MSN: variants seen among roughly 807,000 people sequenced by gnomAD.
MSN encodes moesin.
In MSN, 2 loss-of-function variants were observed where a neutral mutation model predicts 48.0. The ratio of observed to expected loss-of-function variants is 0.04; its 90% CI spans 0.02 to 0.13. The LOEUF is 0.13. MSN is among the 10% of genes least tolerant of loss of function. The pLI, the probability that MSN is intolerant of heterozygous loss-of-function variation, is 1.00. For synonymous variants in MSN, 146 were observed against 166.9 expected (o/e 0.87, Z 0.97); for missense variants, 267 against 470.1 (o/e 0.57, Z 3.99).
chrX:65,629,393 T>A (rs1307435963), intron 1 of MSN, among the ~76,000 whole-genome samples: 1 of 112,165 alleles, frequency 8.9e-6, no homozygotes, highest in Admixed American at 9.5e-5. Flanking sequence ...CATTTTCCTG[T>A]CTTCTTCTGA....
At chrX:65,666,776 A>C (rs1257099495), upstream of MSN, among the ~76,000 whole-genome samples, 1 of 111,428 alleles carries the variant, frequency 9.0e-6, no homozygotes, top group Non-Finnish European at 1.9e-5. Context: ...CTCAGACTTG[A>C]CCAGACGACT....
chrX:65,682,305 G>C lies in MSN; in HGVS notation c.12+14452G>C, dbSNP rs747224585. Among the ~76,000 whole-genome samples, 70 of 112,017 alleles carry C rather than the reference G, an allele frequency of 6.2e-4. 1 individual carries two copies. The highest frequency in any genetic ancestry group is 4.9e-4 in the Non-Finnish European group (26 of 53,178). ...AAGAACCATCTAAGCCAAATTCAAG[G>C]TCTTTGAGTGGAGAATCTCAATTAA... On this transcript the variant is annotated intron_variant, in intron 1 of 12. Coordinates refer to ENST00000360270, the MANE Select transcript of MSN (RefSeq NM_002444.3).
At chrX:65,611,876 C>T (rs2070323309) in intron 1 of MSN, among the ~76,000 whole-genome samples, 1 of 111,921 alleles carries the variant, frequency 8.9e-6, no homozygotes, top group South Asian at 3.7e-4. Flanking sequence ...ACCAATACTC[C>T]ACTCTTTTTG....
chrX:65,648,005 G>A (rs762593829), intron 1 of MSN, among the ~76,000 whole-genome samples: 1 of 110,922 alleles, frequency 9.0e-6, no homozygotes, highest in Non-Finnish European at 1.9e-5. Context: ...GGAACCTGAT[G>A]TAGTTGTCCA....
chrX:65,636,525 T>A (rs2070600461), intron 1 of MSN, among the ~76,000 whole-genome samples: 1 of 104,989 alleles, frequency 9.5e-6, no homozygotes, highest in Non-Finnish European at 1.9e-5. Context: ...TCATCTGAGG[T>A]CAGGAGTTCA....
intron 1 of MSN, among the ~76,000 whole-genome samples, chrX:65,620,676 G>A (rs1453601005): frequency 8.9e-6 from 1 of 111,947 alleles, no homozygotes; most frequent in Non-Finnish European, 1.9e-5. Flanking sequence ...CTTCTGCGTC[G>A]CTTACTCTGG....
chrX:65,635,777 G>C (rs1194865305), intron 1 of MSN, among the ~76,000 whole-genome samples: 3 of 111,905 alleles, frequency 2.7e-5, no homozygotes, highest in Non-Finnish European at 1.9e-5. Flanking sequence ...GAAGAGAAGA[G>C]AGTAGTAGCA....
chrX:65,649,400 T>TA lies in MSN; in HGVS notation c.-22+60806dup, dbSNP rs1162390207. Among the ~76,000 whole-genome samples, 216 of 74,366 alleles carry TA rather than the reference T, an allele frequency of 2.9e-3. 1 individual carries two copies. The highest frequency in any genetic ancestry group is 8.1e-3 in the South Asian group (12 of 1,489). The allele number at this position is 74,366 out of a possible 115,157, so 64.6% of individuals were successfully genotyped here. ...CAATATGATGAAACCCCATCTCTACTAAAAAAAAAAAAAAAAAATACAAAA... is the reference window on the plus strand; with the variant it reads ...CAATATGATGAAACCCCATCTCTACTAAAAAAAAAAAAAAAAAAATACAAAA... On this transcript the variant is annotated intron_variant, in intron 1 of 3. Transcript: ENST00000609672.
intron 1 of MSN, among the ~76,000 whole-genome samples, chrX:65,658,421 G>T (rs2070797801): frequency 1.8e-5 from 2 of 111,786 alleles, no homozygotes; most frequent in South Asian, 7.4e-4. Flanking sequence ...AATCTCAGGG[G>T]CTTAGTTAAT....
At chrX:65,670,771 G>T (rs2070925298) in intron 1 of MSN, among the ~76,000 whole-genome samples, 1 of 101,003 alleles carries the variant, frequency 9.9e-6, no homozygotes, top group South Asian at 4.7e-4. Flanking sequence ...ACTACCCACC[G>T]CCACCCTTGC....
At chrX:65,709,242 T>C (rs1161101410) in intron 1 of MSN, among the ~76,000 whole-genome samples, 1 of 112,266 alleles carries the variant, frequency 8.9e-6, no homozygotes, top group East Asian at 2.8e-4. Context: ...TCCATACTGT[T>C]GTCCACAGTG....
intron 1 of MSN, among the ~76,000 whole-genome samples, chrX:65,649,998 T>C (rs2070729137): frequency 9.4e-6 from 1 of 106,467 alleles, no homozygotes; most frequent in African/African-American, 3.4e-5. Flanking sequence ...ACGTGCACAT[T>C]GTTGTGTGGA....
At chrX:65,636,401 C>T (rs934099542) in intron 1 of MSN, among the ~76,000 whole-genome samples, 19 of 111,337 alleles carry the variant, frequency 1.7e-4, no homozygotes, top group Non-Finnish European at 1.5e-4. Flanking sequence ...TTGTCTCGTC[C>T]TCTCTCACAT....
At chrX:65,631,670 C>T (rs900618640) in intron 1 of MSN, among the ~76,000 whole-genome samples, 15 of 110,804 alleles carry the variant, frequency 1.4e-4, no homozygotes, top group African/African-American at 4.9e-4. Context: ...TCTAGTTTGG[C>T]GCTATTATTA....
intron 1 of MSN, among the ~76,000 whole-genome samples, chrX:65,622,213 G>T (rs1327297419): frequency 9.4e-6 from 1 of 106,146 alleles, no homozygotes; most frequent in Non-Finnish European, 1.9e-5. Flanking sequence ...TCCTGCCTCA[G>T]CCTCCTGAGT....
rs765148195 is a variant in MSN, at chrX:65,638,690, G to T, written c.-22+50078G>T. Among the ~76,000 whole-genome samples, 3 of 112,578 alleles carry T rather than the reference G, an allele frequency of 2.7e-5. No homozygotes were observed. In the South Asian group the frequency reaches 1.1e-3, roughly 41 times the overall value. ...CCACCTCAGCCTCCCAAGTAGCTGG[G>T]ATTAGAAGTGTGCGCCCATGCTGGG... On this transcript the variant is annotated intron_variant, in intron 1 of 3. Transcript: ENST00000609672.
At chrX:65,737,381 C>G in intron 10 of MSN, 43 bp downstream of exon 10, 1 of 1,165,871 alleles carries the variant, frequency 8.6e-7, no homozygotes, top group Non-Finnish European at 1.1e-6. Context: ...ACTGAACTTT[C>G]TTCCTTGTCT....
intron 7 of MSN, 62 bp downstream of exon 7, chrX:65,733,342 A>T: frequency 1.1e-6 from 1 of 898,069 alleles, no homozygotes; most frequent in Non-Finnish European, 1.6e-6. Context: ...ATGAGCAATC[A>T]TGCTATTCTA....
chrX:65,619,331 A>G (rs1602724553), intron 1 of MSN, among the ~76,000 whole-genome samples: 1 of 98,897 alleles, frequency 1.0e-5, no homozygotes, highest in Non-Finnish European at 1.9e-5. Context: ...TCTCCACATC[A>G]CTTTCAGGTA....
Sources: allele counts gnomAD v4.1 joint callset (sites outside exome capture counted in the v4.1 genomes callset), GRCh38; gene constraint gnomAD v4.1.1; transcripts MANE v1.5; gene names NCBI Gene and HGNC (gene_info 2026-07-23, HGNC 2026-07-21).